The following ROBO2 variants were observed in gnomAD, a reference collection of about 807,000 sequenced individuals.
ROBO2 encodes roundabout guidance receptor 2.
Under a neutral mutation model 160.8 loss-of-function variants are expected in ROBO2, and 53 were observed. The observed-to-expected ratio is 0.33, with a 90% CI of 0.26 to 0.41. The LOEUF is 0.41. Among genes scored for constraint, ROBO2 ranks in the 10% least tolerant of loss-of-function variants. The pLI is 1.00. For synonymous variants in ROBO2, 664 were observed against 611.7 expected, an observed-to-expected ratio of 1.09 and a Z score of -1.26; for missense variants, 1,577 against 1,722.4, an observed-to-expected ratio of 0.92 and a Z score of 1.49.
intron 2 of ROBO2, among the ~76,000 whole-genome samples, chr3:76,882,154 T>G (rs987421241): frequency 6.6e-6 from 1 of 150,906 alleles, no homozygotes; most frequent in Non-Finnish European, 1.5e-5. Context: ...GTTGGGGGGG[T>G]GTGTGTGCGT....
chr3:77,010,680 C>A (rs192068631), intron 2 of ROBO2, among the ~76,000 whole-genome samples: 1 of 152,150 alleles, frequency 6.6e-6, no homozygotes, highest in African/African-American at 2.4e-5. Context: ...CTCCTCTCAG[C>A]GCTTGTTTTT....
At chr3:77,370,357 CT>C (rs2071560227) in intron 2 of ROBO2, among the ~76,000 whole-genome samples, 2 of 152,176 alleles carry the variant, frequency 1.3e-5, no homozygotes, top group Admixed American at 1.3e-4. Flanking sequence ...GTAAATGAAC[CT>C]GATCATCTCT....
chr3:76,788,489 G>T (rs1446556207), intron 2 of ROBO2, among the ~76,000 whole-genome samples: 1 of 151,436 alleles, frequency 6.6e-6, no homozygotes, highest in Non-Finnish European at 1.5e-5. Context: ...CTAATAAAAA[G>T]AATCAAGGAC....
At chr3:77,429,458 C>A (rs2078547183) in intron 2 of ROBO2, among the ~76,000 whole-genome samples, 1 of 152,044 alleles carries the variant, frequency 6.6e-6, no homozygotes, top group South Asian at 2.1e-4. Context: ...TTCCTTTATG[C>A]AATCAACTAA....
intron 2 of ROBO2, among the ~76,000 whole-genome samples, chr3:76,668,781 C>T (rs1214996218): frequency 6.6e-6 from 1 of 151,852 alleles, no homozygotes; most frequent in Non-Finnish European, 1.5e-5. Flanking sequence ...CTAATACTGC[C>T]ATGGTAGTAA....
At chr3:77,500,186 T>A (rs529103549) in intron 5 of ROBO2, among the ~76,000 whole-genome samples, 1 of 152,282 alleles carries the variant, frequency 6.6e-6, no homozygotes, top group African/African-American at 2.4e-5. Flanking sequence ...AAAGCAAGTA[T>A]TTAGGGAGGA....
intron 2 of ROBO2, among the ~76,000 whole-genome samples, chr3:76,369,363 T>C (rs2075988817): frequency 6.6e-6 from 1 of 151,986 alleles, no homozygotes; most frequent in African/African-American, 2.4e-5. Context: ...TGTCTGTAGA[T>C]AATTAGCTTT....
chr3:76,990,843 G>T (rs924794163), intron 2 of ROBO2, among the ~76,000 whole-genome samples: 2 of 152,088 alleles, frequency 1.3e-5, no homozygotes, highest in Non-Finnish European at 2.9e-5. Context: ...AGGGACATTC[G>T]GCTGGTAAGG....
At chr3:77,219,275 C>T (rs1208083114) in intron 2 of ROBO2, among the ~76,000 whole-genome samples, 3 of 151,474 alleles carry the variant, frequency 2.0e-5, no homozygotes, top group Non-Finnish European at 4.4e-5. Flanking sequence ...CACTGGGCCT[C>T]GACTTCTTTT....
intron 1 of ROBO2, among the ~76,000 whole-genome samples, chr3:77,091,178 C>T (rs557781007): frequency 6.6e-6 from 1 of 152,274 alleles, no homozygotes; most frequent in Admixed American, 6.5e-5. Flanking sequence ...TATACTCCAA[C>T]TCAATGAGGC....
chr3:76,032,510 C>T (rs1003141112), intron 2 of ROBO2, among the ~76,000 whole-genome samples: 2 of 152,176 alleles, frequency 1.3e-5, no homozygotes, highest in African/African-American at 4.8e-5. Flanking sequence ...ATAAATTTCC[C>T]TCTACGCACT....
intron 2 of ROBO2, among the ~76,000 whole-genome samples, chr3:76,996,772 T>C (rs749725150): frequency 2.6e-5 from 4 of 152,182 alleles, no homozygotes; most frequent in Non-Finnish European, 5.9e-5. Context: ...TTTAACAAAG[T>C]AAACTAGTCC....
chr3:76,058,441 A>G (rs1257042840), intron 2 of ROBO2, among the ~76,000 whole-genome samples: 1 of 152,202 alleles, frequency 6.6e-6, no homozygotes, highest in Non-Finnish European at 1.5e-5. Context: ...TAATAAGTTC[A>G]TATTTTAAAT....
intron 2 of ROBO2, among the ~76,000 whole-genome samples, chr3:76,381,506 C>T (rs1304302566): frequency 2.0e-5 from 3 of 152,034 alleles, no homozygotes; most frequent in Admixed American, 6.5e-5. Flanking sequence ...CGTGCCACCG[C>T]GCCCGGCTTA....
intron 2 of ROBO2, among the ~76,000 whole-genome samples, chr3:76,449,792 T>C (rs1165052129): frequency 6.6e-6 from 1 of 152,152 alleles, no homozygotes; most frequent in Non-Finnish European, 1.5e-5. Flanking sequence ...TTCAGCATCA[T>C]TAGGTTGCTC....
chr3:76,289,313 T>A (rs1384309441), intron 2 of ROBO2, among the ~76,000 whole-genome samples: 2 of 152,192 alleles, frequency 1.3e-5, no homozygotes, highest in African/African-American at 4.8e-5. Flanking sequence ...CGTGTCTGTT[T>A]ACATCTTTTA....
intron 2 of ROBO2, among the ~76,000 whole-genome samples, chr3:76,343,628 T>G (rs1397191245): frequency 1.3e-5 from 2 of 151,752 alleles, no homozygotes; most frequent in Non-Finnish European, 2.9e-5. Context: ...ATTGGCATGT[T>G]TATTGTTAGA....
chr3:76,815,229 T>A (rs1176216439), intron 2 of ROBO2, among the ~76,000 whole-genome samples: 1 of 151,994 alleles, frequency 6.6e-6, no homozygotes, highest in Non-Finnish European at 1.5e-5. Context: ...GTGTTAACAG[T>A]CAACAAAGAA....
At chr3:76,288,286 G>C in intron 2 of ROBO2, among the ~76,000 whole-genome samples, 1 of 151,990 alleles carries the variant, frequency 6.6e-6, no homozygotes, top group Non-Finnish European at 1.5e-5. Flanking sequence ...GGTTATTCTT[G>C]GATTCCTTCC....
Sources: allele counts gnomAD v4.1 joint callset (sites outside exome capture counted in the v4.1 genomes callset), GRCh38; gene constraint gnomAD v4.1.1; transcripts MANE v1.5; gene names NCBI Gene and HGNC (gene_info 2026-07-23, HGNC 2026-07-21).